Variants in TMCC1 observed in about 807,000 individuals in gnomAD.
TMCC1 encodes the protein transmembrane and coiled-coil domains protein 1.
Under a neutral mutation model 52.4 loss-of-function variants are expected in TMCC1, and 15 were observed. That is an observed-to-expected ratio of 0.29 (90% CI 0.19 to 0.44). The LOEUF is 0.44. Ranked by LOEUF, TMCC1 falls within the 20% of genes least tolerant of loss-of-function variation. TMCC1 has a pLI of 1.00. For synonymous variants in TMCC1, 279 were observed against 301.9 expected (o/e 0.92, Z 0.79); for missense variants, 503 against 806.0 (o/e 0.62, Z 4.55).
At chr3:129,812,051 A>T (rs1311542531) in intron 4 of TMCC1, among the ~76,000 whole-genome samples, 1 of 151,118 alleles carries the variant, frequency 6.6e-6, no homozygotes, top group Non-Finnish European at 1.5e-5. Flanking sequence ...TGTGTTAACA[A>T]TGAGAAATGG....
intron 4 of TMCC1, among the ~76,000 whole-genome samples, chr3:129,762,209 T>C (rs1029611869): frequency 6.6e-6 from 1 of 151,936 alleles, no homozygotes; most frequent in African/African-American, 2.4e-5. Flanking sequence ...AGCTAGTTTG[T>C]TATAATTTTT....
At chr3:129,769,810 A>AG (rs2107698718) in intron 4 of TMCC1, among the ~76,000 whole-genome samples, 1 of 152,278 alleles carries the variant, frequency 6.6e-6, no homozygotes, top group South Asian at 2.1e-4. Flanking sequence ...CACACTCCTC[A>AG]GGGGACATAA....
chr3:129,786,649 A>G (rs1278496872), intron 4 of TMCC1, among the ~76,000 whole-genome samples: 1 of 152,226 alleles, frequency 6.6e-6, no homozygotes, highest in Non-Finnish European at 1.5e-5. Flanking sequence ...CAAAAATTAA[A>G]AGCTCACGTT....
chr3:129,884,639 C>G (rs970109538), intron 1 of TMCC1, among the ~76,000 whole-genome samples: 9 of 152,154 alleles, frequency 5.9e-5, no homozygotes, highest in African/African-American at 2.4e-5. Flanking sequence ...AGCTATTTGT[C>G]TGATAACAGA....
intron 4 of TMCC1, among the ~76,000 whole-genome samples, chr3:129,807,858 G>C (rs1375240138): frequency 1.3e-5 from 2 of 151,934 alleles, no homozygotes; most frequent in Non-Finnish European, 2.9e-5. Flanking sequence ...TACATTTCAA[G>C]AAAAGAAAGG....
At chr3:129,818,530 AAACTTTTAAAGAAAAGTTTTAAAG>A (rs1430542987) in intron 4 of TMCC1, among the ~76,000 whole-genome samples, 32 of 1,330 alleles carry the variant, frequency 0.024, 9 homozygotes, top group South Asian at 0.11. Context: ...AGTTTTAAAG[AAACTTTTAAAGAAAAGTTTTAAAG>A]AAACTTTTAA....
At chr3:129,784,522 C>T (rs913722283) in intron 4 of TMCC1, among the ~76,000 whole-genome samples, 4 of 150,456 alleles carry the variant, frequency 2.7e-5, no homozygotes, top group Admixed American at 6.6e-5. Context: ...GCCAAGATCG[C>T]GCCACTGCAC....
intron 4 of TMCC1, among the ~76,000 whole-genome samples, chr3:129,678,359 C>CTTTTTTTTT (rs71155564): frequency 1.7e-5 from 2 of 117,200 alleles, no homozygotes; most frequent in Non-Finnish European, 3.2e-5. Flanking sequence ...TTGTTTAATT[C>CTTTTTTTTT]TTTTTTTTTT....
At chr3:129,761,110 G>A (rs2053545504) in intron 4 of TMCC1, among the ~76,000 whole-genome samples, 1 of 151,838 alleles carries the variant, frequency 6.6e-6, no homozygotes, top group South Asian at 2.1e-4. Context: ...CGGATCACGA[G>A]GTCGGGGGAT....
At chr3:129,764,733 T>TTGTGTG (rs150255907) in intron 4 of TMCC1, among the ~76,000 whole-genome samples, 1,291 of 57,942 alleles carry the variant, frequency 0.022, 22 homozygotes, top group Non-Finnish European at 0.032. Context: ...TCCTATAATA[T>TTGTGTG]TGTGTGTGTG....
intron 2 of TMCC1, among the ~76,000 whole-genome samples, chr3:129,868,330 G>A (rs2060751777): frequency 6.6e-6 from 1 of 152,150 alleles, no homozygotes; most frequent in Non-Finnish European, 1.5e-5. Context: ...AAAATTATCT[G>A]TTTTTGTCAC....
chr3:129,829,664 A>G (rs1271690321), intron 3 of TMCC1, among the ~76,000 whole-genome samples: 1 of 152,140 alleles, frequency 6.6e-6, no homozygotes, highest in African/African-American at 2.4e-5. Context: ...AAAACTCCCT[A>G]CACTACCAAG....
chr3:129,711,620 G>A (rs1435576467), intron 4 of TMCC1, among the ~76,000 whole-genome samples: 1 of 151,964 alleles, frequency 6.6e-6, no homozygotes, highest in Non-Finnish European at 1.5e-5. Context: ...CGAGGTGGGT[G>A]GATTACTTCA....
At chr3:129,670,046 T>C (rs2087788576) in intron 5 of TMCC1, among the ~76,000 whole-genome samples, 1 of 152,216 alleles carries the variant, frequency 6.6e-6, no homozygotes, top group South Asian at 2.1e-4. Flanking sequence ...GAATTCAATG[T>C]AGTACAGTTA....
intron 5 of TMCC1, among the ~76,000 whole-genome samples, chr3:129,667,291 T>C (rs947966151): frequency 2.7e-5 from 4 of 149,502 alleles, no homozygotes; most frequent in Non-Finnish European, 5.9e-5. Flanking sequence ...CATTCAAAGA[T>C]CAACAAAATT....
intron 2 of TMCC1, among the ~76,000 whole-genome samples, chr3:129,855,569 CA>C (rs1297919162): frequency 1.5e-4 from 23 of 152,048 alleles, no homozygotes; most frequent in Non-Finnish European, 3.4e-4. Flanking sequence ...TTTGACCACA[CA>C]AAACAAGAAA....
chr3:129,664,422 G>C (rs1576361534), intron 5 of TMCC1, among the ~76,000 whole-genome samples: 1 of 152,198 alleles, frequency 6.6e-6, no homozygotes, highest in African/African-American at 2.4e-5. Context: ...GGTCAGCCTA[G>C]TTACTAACTG....
At chr3:129,795,433 C>CT (rs1388286398) in intron 4 of TMCC1, among the ~76,000 whole-genome samples, 1 of 142,592 alleles carries the variant, frequency 7.0e-6, no homozygotes, top group African/African-American at 2.6e-5. Flanking sequence ...GAATTTAGTA[C>CT]TGTTTAGGGC....
chr3:129,781,759 G>A (rs1246980408), intron 4 of TMCC1, among the ~76,000 whole-genome samples: 3 of 152,092 alleles, frequency 2.0e-5, no homozygotes, highest in Admixed American at 6.6e-5. Context: ...CGGGAATAAC[G>A]TCATTTGGAT....
Sources: allele counts gnomAD v4.1 joint callset (sites outside exome capture counted in the v4.1 genomes callset), GRCh38; gene constraint gnomAD v4.1.1; transcripts MANE v1.5; gene names NCBI Gene and HGNC (gene_info 2026-07-23, HGNC 2026-07-21).